SRR: variants seen among roughly 807,000 people sequenced by gnomAD.
The protein encoded by SRR is serine racemase, also known as D-serine ammonia-lyase.
A neutral mutation model predicts 32.7 loss-of-function variants in SRR; 19 were observed. That is an observed-to-expected ratio of 0.58 (90% CI 0.40 to 0.85). SRR has a LOEUF of 0.85. Ranked by LOEUF, SRR falls within the 40% of genes least tolerant of loss-of-function variation. The pLI is 0.00. For synonymous variants in SRR, 142 were observed against 140.9 expected (o/e 1.01, Z -0.06); for missense variants, 373 against 404.7 (o/e 0.92, Z 0.67).
chr17:2,307,281 CTG>C, intron 1 of SRR: 1 of 1,144,470 alleles, frequency 8.7e-7, no homozygotes. Flanking sequence ...ATGGCCACAA[CTG>C]TGAAATTAGG....
At position 2,317,891 on chromosome 17, in the gene SRR, G is replaced by T. The variant is rs761174722; in HGVS notation, c.190G>T (p.Val64Phe). The stretch of plus-strand genomic sequence containing the variant: ...TCAGATTCGTGGTGCTCTCAATGCC[G>T]TCAGAAGCTTGGTTCCTGATGCTTT... ...SFKIRGALNA[V>F]RSLVPDALER... The change falls in exon 3 of 8, where the codon GTC becomes TTC. Residue 64 changes from valine (V) to phenylalanine (F), a missense_variant. Coordinates refer to ENST00000344595, the MANE Select transcript of SRR (RefSeq NM_021947.3). The T allele has an allele frequency of 6.2e-7, 1 of 1,613,724 alleles. No individual in the cohort carries two copies. The highest frequency in any genetic ancestry group is 8.5e-7 in the Non-Finnish European group (1 of 1,179,864).
At position 2,324,589 on chromosome 17, in the gene SRR, A is replaced by C; in HGVS notation, c.*716A>C. Reference sequence around the variant, plus strand: ...ACCACAGCACATCCTCTTAGAATCAAACACATTAAAGACCAAGATGAAACA... The same window carrying C: ...ACCACAGCACATCCTCTTAGAATCACACACATTAAAGACCAAGATGAAACA... On this transcript the variant is annotated 3_prime_UTR_variant, in exon 8 of 8. Transcript: ENST00000344595. The C allele has an allele frequency of 6.2e-7, 1 of 1,614,132 alleles. No homozygotes were observed. The highest frequency in any genetic ancestry group is 2.2e-5 in the East Asian group (1 of 44,882).
chr17:2,319,749 C>T (rs2075508776), intron 4 of SRR, among the ~76,000 whole-genome samples: 1 of 152,176 alleles, frequency 6.6e-6, no homozygotes, highest in African/African-American at 2.4e-5. Context: ...TCTCTGCATC[C>T]ACCCTTGCCA....
Position 2,324,303 on chromosome 17 carries a change from A to G in SRR, c.*430A>G. 1 of 1,563,046 alleles carries G rather than the reference A, an allele frequency of 6.4e-7. No individual in the cohort carries two copies. Among genetic ancestry groups the G allele is most frequent in the Non-Finnish European group, 8.6e-7 (1 of 1,159,144 alleles). The stretch of plus-strand genomic sequence containing the variant: ...GTCCATTTGGGGAAGACTCGTTTAT[A>G]CAGGTTCATCAGTACTGTGTCTTGA... On this transcript the variant is annotated 3_prime_UTR_variant, in exon 8 of 8. Transcript: ENST00000344595.
At chr17:2,309,875 T>G (rs1242768922) in intron 1 of SRR, 7 of 152,126 alleles carry the variant, frequency 4.6e-5, no homozygotes, top group African/African-American at 1.7e-4. Flanking sequence ...TCCCCTTCAG[T>G]GTGGAAGCCA....
chr17:2,318,782 A>G, intron 3 of SRR, 44 bp from the exon 4 acceptor site: 1 of 1,481,656 alleles, frequency 6.7e-7, no homozygotes, highest in Non-Finnish European at 9.4e-7. Context: ...ATAAGTTTCT[A>G]TTCTAAATTC....
chr17:2,323,552 G>A (rs926836214), intron 7 of SRR, 103 bp from the exon 8 acceptor site: 5 of 1,310,292 alleles, frequency 3.8e-6, no homozygotes, highest in Non-Finnish European at 5.4e-6. Context: ...TGTGTACACA[G>A]TGATAAGAAA....
In SRR at chr17:2,317,970, C is replaced by T. The variant is rs944889270; in HGVS notation, c.269C>T (p.Ala90Val). 1.4e-5 allele frequency: 23 copies of T among 1,613,678 alleles called. No homozygotes were observed. Among genetic ancestry groups the T allele is most frequent in the Non-Finnish European group, 1.7e-5 (20 of 1,179,874 alleles). The stretch of plus-strand genomic sequence containing the variant: ...CACAGCAGTGGAAACCATGGCCAGG[C>T]TCTCACCTATGCTGCCAAATTGGAA... Reference protein sequence around the residue: ...VTHSSGNHGQALTYAAKLEGI... With the variant: ...VTHSSGNHGQVLTYAAKLEGI... Residue 90 changes from alanine to valine, a missense_variant, in exon 3 of 8, where the codon GCT becomes GTT. Ala to Val is a moderately conservative substitution (Grantham distance 64). Coordinates refer to ENST00000344595, the MANE Select transcript of SRR (RefSeq NM_021947.3).
intron 2 of SRR, 62 bp from the exon 3 acceptor site, chr17:2,317,808 C>T: frequency 6.4e-7 from 1 of 1,562,352 alleles, no homozygotes; most frequent in Non-Finnish European, 8.7e-7. Context: ...TCTAGAAAAG[C>T]TCCTTGCTTT....
At chr17:2,305,052 A>G (rs2075375402) in intron 1 of SRR, among the ~76,000 whole-genome samples, 1 of 152,070 alleles carries the variant, frequency 6.6e-6, no homozygotes, top group African/African-American at 2.4e-5. Context: ...GATTGCCACA[A>G]CCTCTGACAG....
In SRR at chr17:2,323,491, A is replaced by G. The variant is rs745938133; in HGVS notation, c.804+146A>G. 20 of 1,150,732 alleles carry G rather than the reference A, an allele frequency of 1.7e-5. No homozygotes were observed. In the African/African-American group the frequency reaches 2.6e-4, roughly 15 times the overall value. 71.3% of individuals were successfully genotyped at this position (1,150,732 alleles called of 1,614,324 possible). ...AGGGTACCCTAGATGTATTAATGAC[A>G]ACCCTCTTGACAGAAGCAGAGTCAG... On this transcript the variant is annotated intron_variant, in intron 7 of 7. Coordinates refer to ENST00000344595, the MANE Select transcript of SRR (RefSeq NM_021947.3).
chr17:2,324,318 C>T lies in SRR; in HGVS notation c.*445C>T, dbSNP rs763500795. The stretch of plus-strand genomic sequence containing the variant: ...ACTCGTTTATACAGGTTCATCAGTA[C>T]TGTGTCTTGAGATTTTAGCTTCCCA... On this transcript the variant is annotated 3_prime_UTR_variant, in exon 8 of 8. Transcript: ENST00000344595. The T allele has an allele frequency of 5.1e-6, 8 of 1,569,188 alleles. No homozygotes were observed. The highest frequency in any genetic ancestry group is 3.4e-4 in the Middle Eastern group (2 of 5,850).
At chr17:2,306,044 G>A (rs531168221) in intron 1 of SRR, among the ~76,000 whole-genome samples, 40 of 150,982 alleles carry the variant, frequency 2.6e-4, no homozygotes, top group East Asian at 6.0e-4. Flanking sequence ...TTGGCCGGGC[G>A]CGGTGGCTCA....
At chr17:2,303,815 C>T, upstream of SRR, 1 of 1,012,342 alleles carries the variant, frequency 9.9e-7, no homozygotes. Context: ...TCGCCCACCT[C>T]CCGGCCTTTC....
At chr17:2,312,842 C>G (rs2075443074) in intron 1 of SRR, among the ~76,000 whole-genome samples, 1 of 152,114 alleles carries the variant, frequency 6.6e-6, no homozygotes, top group Non-Finnish European at 1.5e-5. Context: ...AATCTTGCAA[C>G]AAGGCTATTC....
At chr17:2,303,710 C>T, upstream of SRR, 1 of 1,493,278 alleles carries the variant, frequency 6.7e-7, no homozygotes, top group Non-Finnish European at 8.9e-7. Context: ...ACGCTCCAGC[C>T]CTTCCGCCAT....
At chr17:2,319,167 A>G (rs982067437) in intron 4 of SRR, among the ~76,000 whole-genome samples, 1 of 152,186 alleles carries the variant, frequency 6.6e-6, no homozygotes, top group Non-Finnish European at 1.5e-5. Context: ...CAACTTTTAT[A>G]TAACAGCTAC....
In SRR at chr17:2,315,599, A is replaced by G. The variant is rs1288147590; in HGVS notation, c.39A>G (p.Glu13=). The G allele has an allele frequency of 1.2e-6, 2 of 1,613,886 alleles. No individual in the cohort carries two copies. The highest frequency in any genetic ancestry group is 2.2e-5 in the East Asian group (1 of 44,890). ...AQYCISFADV[E]KAHINIRDSI... is the part of the protein sequence containing the mutation. ...ATTGCATCTCCTTTGCTGATGTTGA[A>G]AAAGCTCATATCAACATTCGAGATT... Residue 13 remains glutamate, a synonymous_variant, in exon 2 of 8, where the codon GAA becomes GAG. Transcript: ENST00000344595.
chr17:2,321,359 A>G lies in SRR; in HGVS notation c.453A>G (p.Val151=). Residue 151 remains valine (V), a synonymous_variant, in exon 5 of 8, where the codon GTA becomes GTG. Transcript: ENST00000344595. ...CAGAAGAAACAGAAGGCATCATGGT[A>G]CATCCCAACCAGGAGCCTGCAGTGA... ...RVTEETEGIM[V]HPNQEPAVIA... 6.2e-7 allele frequency: 1 copy of G among 1,613,448 alleles called. No individual in the cohort carries two copies. Among genetic ancestry groups the G allele is most frequent in the African/African-American group, 1.3e-5 (1 of 74,988 alleles).
Sources: gnomAD v4.1 joint callset for allele counts (sites outside exome capture counted in the v4.1 genomes callset) on GRCh38, gnomAD v4.1.1 for gene constraint, MANE v1.5 for transcripts, NCBI Gene and HGNC (gene_info 2026-07-23, HGNC 2026-07-21) for gene names.